The following CNDP1 variants were observed in gnomAD, a reference collection of about 807,000 sequenced individuals.
The protein encoded by CNDP1 is beta-Ala-His dipeptidase.
Under a neutral mutation model 58.1 loss-of-function variants are expected in CNDP1, and 44 were observed. That is an observed-to-expected ratio of 0.76 (90% CI 0.60 to 0.97). The LOEUF (loss-of-function observed/expected upper bound fraction) is 0.97, where lower values mean the gene tolerates loss of function less well. Among genes scored for constraint, CNDP1 ranks in the 50% least tolerant of loss-of-function variants. The probability of loss-of-function intolerance (pLI) is 0.00; values close to 1 mark genes in which losing one functional copy is unlikely to be tolerated. For missense variants in CNDP1, 616 were observed against 655.1 expected, an observed-to-expected ratio of 0.94 and a Z score of 0.65; for synonymous variants, 254 against 252.6, an observed-to-expected ratio of 1.01 and a Z score of -0.05.
At chr18:74,561,246 C>G in intron 4 of CNDP1, 2 of 441,366 alleles carry the variant, frequency 4.5e-6, no homozygotes, top group Non-Finnish European at 8.1e-6. Context: ...AAAACCCTCT[C>G]TCTACTAAAA....
In CNDP1 at chr18:74,584,590, T is replaced by G. The variant is rs1981866512; in HGVS notation, c.*28T>G. The G allele has an allele frequency of 1.3e-6, 2 of 1,551,190 alleles. No individual in the cohort carries two copies. The highest frequency in any genetic ancestry group is 2.7e-5 in the African/African-American group (2 of 73,636). On this transcript the variant is annotated 3_prime_UTR_variant, in exon 12 of 12. Coordinates refer to ENST00000358821, the MANE Select transcript of CNDP1 (RefSeq NM_032649.6). ...ACAAGAACCTTCTAGTCTGATCTGA[T>G]CCACTGACAGATTCACCTCCCCCAC...
intron 7 of CNDP1, among the ~76,000 whole-genome samples, chr18:74,573,436 C>CTATT (rs879496319): frequency 6.8e-6 from 1 of 146,778 alleles, no homozygotes; most frequent in African/African-American, 2.6e-5. Context: ...ATCCAACTAT[C>CTATT]TATCTATGTA....
intron 5 of CNDP1, among the ~76,000 whole-genome samples, chr18:74,563,198 C>A (rs1226973849): frequency 6.6e-6 from 1 of 152,176 alleles, no homozygotes; most frequent in Non-Finnish European, 1.5e-5. Flanking sequence ...TCTGACTTCA[C>A]TCCTGAGTCT....
chr18:74,557,630 C>T (rs1046127001), intron 2 of CNDP1, among the ~76,000 whole-genome samples: 1 of 152,100 alleles, frequency 6.6e-6, no homozygotes, highest in Non-Finnish European at 1.5e-5. Flanking sequence ...CACACACCCC[C>T]ACACATGTGC....
intron 7 of CNDP1, among the ~76,000 whole-genome samples, chr18:74,573,766 G>T (rs185917350): frequency 1.3e-5 from 2 of 152,302 alleles, no homozygotes; most frequent in African/African-American, 4.8e-5. Context: ...TTTCGGCTGC[G>T]TGGCTTCAGC....
chr18:74,573,169 T>G (rs1025539520), intron 7 of CNDP1, among the ~76,000 whole-genome samples: 1 of 152,108 alleles, frequency 6.6e-6, no homozygotes. Context: ...CTATCATCTT[T>G]CTATGCATCT....
intron 7 of CNDP1, among the ~76,000 whole-genome samples, chr18:74,572,790 C>CAAAAAAA (rs56059264): frequency 8.5e-4 from 51 of 59,984 alleles, no homozygotes; most frequent in Non-Finnish European, 1.3e-3. Context: ...GACCCTGTAT[C>CAAAAAAA]AAAAAAAAAA....
chr18:74,538,041 G>A (rs927688691), intron 1 of CNDP1, among the ~76,000 whole-genome samples: 1 of 152,280 alleles, frequency 6.6e-6, no homozygotes, highest in South Asian at 2.1e-4. Flanking sequence ...GCAGTTTTAG[G>A]GTAGAGGCCC....
At position 74,550,579 on chromosome 18, in the gene CNDP1, A is replaced by ATT. The variant is rs796382003; in HGVS notation, c.25-5743_25-5742dup. ...GGGACTATTGGAAAGGCATTATTGAATTTTTTTTTTTTTTTTTGAGACAGT... is the reference window on the plus strand; with the variant it reads ...GGGACTATTGGAAAGGCATTATTGAATTTTTTTTTTTTTTTTTTTGAGACAGT... On this transcript the variant is annotated intron_variant, in intron 1 of 11. Coordinates refer to ENST00000358821, the MANE Select transcript of CNDP1 (RefSeq NM_032649.6). Among the ~76,000 whole-genome samples, 974 of 138,210 alleles carry ATT rather than the reference A, an allele frequency of 7.0e-3. 24 individuals carry two copies. The highest frequency in any genetic ancestry group is 0.041 in the Admixed American group (564 of 13,714). 90.7% of individuals were successfully genotyped at this position (138,210 alleles called of 152,430 possible).
At chr18:74,579,810 G>T (rs1288662389) in intron 9 of CNDP1, among the ~76,000 whole-genome samples, 1 of 152,236 alleles carries the variant, frequency 6.6e-6, no homozygotes, top group Non-Finnish European at 1.5e-5. Context: ...TGATGCTCCA[G>T]CACCTCTGTG....
At chr18:74,538,105 A>T (rs946618830) in intron 1 of CNDP1, among the ~76,000 whole-genome samples, 2 of 152,204 alleles carry the variant, frequency 1.3e-5, no homozygotes, top group Non-Finnish European at 2.9e-5. Context: ...ATTCACTGAC[A>T]TGTGCAACCA....
chr18:74,559,324 C>T lies in CNDP1; in HGVS notation c.155C>T (p.Thr52Met), dbSNP rs375375897. ...TGGCCTGCTTGCTCTTCCTCCTAGA[C>T]GCTGAAGGAGTGGGTGGCCATCGAG... ...IDLHQDEFVQ[T>M]LKEWVAIESD... Residue 52 changes from threonine to methionine, a missense_variant and splice_region_variant, in exon 3 of 12, where the codon ACG becomes ATG. By Grantham distance (81) the Thr-to-Met change is moderately conservative. Coordinates refer to ENST00000358821, the MANE Select transcript of CNDP1 (RefSeq NM_032649.6). 7.8e-5 allele frequency: 126 copies of T among 1,613,936 alleles called. No homozygotes were observed. The highest frequency in any genetic ancestry group is 2.3e-4 in the Admixed American group (14 of 59,990).
intron 9 of CNDP1, among the ~76,000 whole-genome samples, chr18:74,579,188 TCCTTCCCTTC>T (rs1343210315): frequency 2.4e-4 from 29 of 118,522 alleles, no homozygotes; most frequent in African/African-American, 7.5e-4. Flanking sequence ...CTTCTCCCTT[TCCTTCCCTTC>T]CCTTGCCTTC....
At position 74,584,592 on chromosome 18, in the gene CNDP1, C is replaced by T. The variant is rs773568683; in HGVS notation, c.*30C>T. On this transcript the variant is annotated 3_prime_UTR_variant, in exon 12 of 12. Transcript: ENST00000358821. ...AAGAACCTTCTAGTCTGATCTGATC[C>T]ACTGACAGATTCACCTCCCCCACAT... 2.1e-5 allele frequency: 32 copies of T among 1,540,882 alleles called. No homozygotes were observed. The highest frequency in any genetic ancestry group is 2.8e-5 in the Non-Finnish European group (31 of 1,113,456).
chr18:74,572,523 C>A (rs1005838819), intron 7 of CNDP1, among the ~76,000 whole-genome samples: 2 of 152,120 alleles, frequency 1.3e-5, no homozygotes, highest in African/African-American at 4.8e-5. Flanking sequence ...CATGGTCACT[C>A]ACGCCTGCAA....
intron 6 of CNDP1, among the ~76,000 whole-genome samples, chr18:74,570,058 G>A (rs1021199195): frequency 6.8e-6 from 1 of 147,890 alleles, no homozygotes; most frequent in African/African-American, 2.5e-5. Flanking sequence ...AAAAAGCTGG[G>A]CATGGTGGCG....
At chr18:74,568,763 CAG>C (rs1981394110) in intron 6 of CNDP1, among the ~76,000 whole-genome samples, 1 of 151,896 alleles carries the variant, frequency 6.6e-6, no homozygotes, top group African/African-American at 2.4e-5. Context: ...CACTTTGGGA[CAG>C]GGGGAAGAGA....
At chr18:74,547,591 A>G (rs1980794393) in intron 1 of CNDP1, among the ~76,000 whole-genome samples, 1 of 152,182 alleles carries the variant, frequency 6.6e-6, no homozygotes, top group South Asian at 2.1e-4. Flanking sequence ...AAAGTATCCC[A>G]GGCCACTGTC....
chr18:74,573,967 A>T (rs1981564633), intron 7 of CNDP1, among the ~76,000 whole-genome samples: 1 of 152,258 alleles, frequency 6.6e-6, no homozygotes, highest in African/African-American at 2.4e-5. Context: ...GTACAAAAAC[A>T]TAAGGACATA....
Sources: allele counts gnomAD v4.1 joint callset (sites outside exome capture counted in the v4.1 genomes callset), GRCh38; gene constraint gnomAD v4.1.1; transcripts MANE v1.5; gene names NCBI Gene and HGNC (gene_info 2026-07-23, HGNC 2026-07-21).